Variants in TENT5A observed in about 807,000 individuals in gnomAD.
The protein encoded by TENT5A is terminal nucleotidyltransferase 5A.
In TENT5A, 9 loss-of-function variants were observed where a neutral mutation model predicts 30.2. The ratio of observed to expected loss-of-function variants is 0.30; its 90% CI spans 0.18 to 0.52. The LOEUF (loss-of-function observed/expected upper bound fraction) is 0.52. Among genes scored for constraint, TENT5A ranks in the 20% least tolerant of loss-of-function variants. The pLI is 0.97. For synonymous variants in TENT5A, 264 were observed against 234.2 expected (o/e 1.13, Z -1.16); for missense variants, 411 against 566.1 (o/e 0.73, Z 2.78).
intron 1 of TENT5A, 31 bp from the exon 2 acceptor site, chr6:81,752,209 G>GACGCGCGGCGGCGGAGAGC (rs201698941): frequency 2.5e-4 from 366 of 1,473,004 alleles, no homozygotes; most frequent in Admixed American, 1.0e-3. Flanking sequence ...GCGCGGTGAG[G>GACGCGCGGCGGCGGAGAGC]ACGCGCGGCG....
rs1768907224 is a variant in TENT5A, at chr6:81,747,342, T to C, written c.*2353A>G. On this transcript the variant is annotated 3_prime_UTR_variant, in exon 3 of 3. Coordinates refer to ENST00000320172, the MANE Select transcript of TENT5A (RefSeq NM_017633.3). ...ACAATGTTTCCTGGGAAGTTGCAATTAATTTTTCAAACCCAGGGCTTAAGT... is the reference window on the plus strand; with the variant it reads ...ACAATGTTTCCTGGGAAGTTGCAATCAATTTTTCAAACCCAGGGCTTAAGT... The C allele has an allele frequency of 1.0e-6, 1 of 985,728 alleles. No homozygotes were observed. The highest frequency in any genetic ancestry group is 1.7e-5 in the African/African-American group (1 of 57,234). The allele number at this position is 985,728 out of a possible 1,614,324, so 61.1% of individuals were successfully genotyped here.
chr6:81,749,905 T>C lies in TENT5A; in HGVS notation c.1119A>G (p.Glu373=), dbSNP rs1329782899. The C allele has an allele frequency of 2.5e-6, 4 of 1,614,056 alleles. No homozygotes were observed. In the African/African-American group the frequency reaches 4.0e-5, roughly 16 times the overall value. ...TGATAAGGTTTAAAGTCTGTCTTCT[T>C]TCATGTCCCATCAGGCACACTGTGC... ...NESTVCLMGH[E]RRQTLNLITM... is the part of the protein sequence containing the mutation. The change falls in exon 3 of 3, where the codon GAA becomes GAG. Residue 373 remains glutamate, a synonymous_variant. Coordinates refer to ENST00000320172, the MANE Select transcript of TENT5A (RefSeq NM_017633.3).
At position 81,752,043 on chromosome 6, in the gene TENT5A, G is replaced by C; in HGVS notation, c.99C>G (p.Gly33=). Residue 33 remains glycine (G), a synonymous_variant, in exon 2 of 3, where the codon GGC becomes GGG. Coordinates refer to ENST00000320172, the MANE Select transcript of TENT5A (RefSeq NM_017633.3). ...LGGDFGGGDF[G]GGDFGGGDFG... is the part of the protein sequence containing the mutation. ...AGTCGCCGCCGCCGAAGTCGCCGCC[G>C]CCGAAGTCGCCGCCGCCGAAGTCGC... is the stretch of plus-strand genomic sequence containing the variant. 1 of 1,584,926 alleles carries C rather than the reference G, an allele frequency of 6.3e-7. No individual in the cohort carries two copies. Among genetic ancestry groups the C allele is most frequent in the Non-Finnish European group, 8.6e-7 (1 of 1,162,336 alleles).
chr6:81,749,803 T>C lies in TENT5A; in HGVS notation c.1221A>G (p.Pro407=), dbSNP rs2127726456. The C allele has an allele frequency of 1.2e-6, 2 of 1,614,104 alleles. No individual in the cohort carries two copies. The highest frequency in any genetic ancestry group is 4.5e-5 in the East Asian group (2 of 44,874). ...NVANVTCYYQ[P]APYVADANFS... is the part of the protein sequence containing the mutation. ...AGTTGGCATCTGCTACATAGGGGGC[T>C]GGCTGGTAATAGCAAGTGACATTAG... The change falls in exon 3 of 3, where the codon CCA becomes CCG. Residue 407 remains proline, a synonymous_variant. Coordinates refer to ENST00000320172, the MANE Select transcript of TENT5A (RefSeq NM_017633.3).
Position 81,748,417 on chromosome 6 carries a change from A to G in TENT5A, c.*1278T>C. 2.0e-6 allele frequency: 2 copies of G among 982,178 alleles called. No homozygotes were observed. Among genetic ancestry groups the G allele is most frequent in the African/African-American group, 1.7e-5 (1 of 57,180 alleles). The allele number at this position is 982,178 out of a possible 1,614,324, so 60.8% of individuals were successfully genotyped here. A position where few individuals can be genotyped will look rare whatever the true frequency, so the allele number is the denominator to read the frequency against. Reference sequence around the variant, plus strand: ...AAAAAAAAGAAAAAAAAATCCCACTAAAACAGTATAATTTCTGCTCTTCCT... The same window carrying G: ...AAAAAAAAGAAAAAAAAATCCCACTGAAACAGTATAATTTCTGCTCTTCCT... On this transcript the variant is annotated 3_prime_UTR_variant, in exon 3 of 3. Coordinates refer to ENST00000320172, the MANE Select transcript of TENT5A (RefSeq NM_017633.3).
intron 1 of TENT5A, 24 bp downstream of exon 1, chr6:81,752,407 A>C: frequency 3.2e-6 from 5 of 1,549,792 alleles, no homozygotes; most frequent in Non-Finnish European, 4.4e-6. Flanking sequence ...TGGAAAGCGC[A>C]AGCGAGAGTC....
In TENT5A at chr6:81,748,451, T is replaced by G. The variant is rs566837969; in HGVS notation, c.*1244A>C. On this transcript the variant is annotated 3_prime_UTR_variant, in exon 3 of 3. Transcript: ENST00000320172. The stretch of plus-strand genomic sequence containing the variant: ...TAATTTCTGCTCTTCCTATGAAATA[T>G]ATTACTTGGTTCCCTCCTTCATTTA... The G allele has an allele frequency of 1.0e-6, 1 of 982,428 alleles. No homozygotes were observed. The highest frequency in any genetic ancestry group is 6.2e-5 in the Admixed American group (1 of 16,208). The allele number at this position is 982,428 out of a possible 1,614,324, so 60.9% of individuals were successfully genotyped here.
chr6:81,746,842 A>G lies in TENT5A; in HGVS notation c.*2853T>C, dbSNP rs773861554. 2.7e-5 allele frequency: 31 copies of G among 1,144,998 alleles called. No individual in the cohort carries two copies. Among genetic ancestry groups the G allele is most frequent in the African/African-American group, 4.8e-5 (3 of 62,696 alleles). The allele number at this position is 1,144,998 out of a possible 1,614,324, so 70.9% of individuals were successfully genotyped here. A position where few individuals can be genotyped will look rare whatever the true frequency, so the allele number is the denominator to read the frequency against. ...GCCGCACATCCACAAAGAGAGACAT[A>G]TATTTCACTGTGTGTTCAACTACAT... is the stretch of plus-strand genomic sequence containing the variant. On this transcript the variant is annotated 3_prime_UTR_variant, in exon 3 of 3. Transcript: ENST00000320172.
At chr6:81,751,462 G>A (rs1237397686) in intron 2 of TENT5A, 128 bp downstream of exon 2, 1 of 864,180 alleles carries the variant, frequency 1.2e-6, no homozygotes, top group African/African-American at 1.7e-5. Flanking sequence ...AAAAATCAAA[G>A]AAATAACGCG....
At position 81,746,600 on chromosome 6, in the gene TENT5A, C is replaced by G; in HGVS notation, c.*3095G>C. On this transcript the variant is annotated 3_prime_UTR_variant, in exon 3 of 3. Coordinates refer to ENST00000320172, the MANE Select transcript of TENT5A (RefSeq NM_017633.3). ...TGCAAATTAAGTAAACCTTTAAAAA[C>G]GGCATTGTCACAGGCTATGTGTTCT... The G allele has an allele frequency of 8.1e-7, 1 of 1,232,014 alleles. No individual in the cohort carries two copies. The highest frequency in any genetic ancestry group is 4.1e-5 in the South Asian group (1 of 24,318). The allele number at this position is 1,232,014 out of a possible 1,614,324, so 76.3% of individuals were successfully genotyped here. A position where few individuals can be genotyped will look rare whatever the true frequency, so the allele number is the denominator to read the frequency against.
At position 81,749,837 on chromosome 6, in the gene TENT5A, G is replaced by A; in HGVS notation, c.1187C>T (p.Pro396Leu). Residue 396 changes from proline to leucine, a missense_variant, in exon 3 of 3, where the codon CCT (proline) becomes CTT (leucine). Coordinates refer to ENST00000320172, the MANE Select transcript of TENT5A (RefSeq NM_017633.3). ...ATAGCAAGTGACATTAGCCACATTAGGAATGACATTTTGGTCAGCTAACAC... is the reference window on the plus strand; with the variant it reads ...ATAGCAAGTGACATTAGCCACATTAAGAATGACATTTTGGTCAGCTAACAC... ...IRVLADQNVIPNVANVTCYYQ... is the reference protein window; with the variant it reads ...IRVLADQNVILNVANVTCYYQ... 1.9e-6 allele frequency: 3 copies of A among 1,614,130 alleles called. No individual in the cohort carries two copies. The highest frequency in any genetic ancestry group is 1.6e-4 in the Middle Eastern group (1 of 6,062).
chr6:81,751,358 G>A (rs1397081478), intron 2 of TENT5A, among the ~76,000 whole-genome samples: 2 of 152,186 alleles, frequency 1.3e-5, no homozygotes, highest in African/African-American at 2.4e-5. Flanking sequence ...GAGGGCAGAG[G>A]AGGACCTGGG....
chr6:81,751,955 A>C lies in TENT5A; in HGVS notation c.187T>G (p.Cys63Gly), dbSNP rs200221139. 6.2e-7 allele frequency: 1 copy of C among 1,613,048 alleles called. No homozygotes were observed. The highest frequency in any genetic ancestry group is 1.3e-5 in the African/African-American group (1 of 75,004). The part of the protein sequence containing the change: ...LDYCESPTAH[C>G]NVLNWEQVQR... ...ACTTGCTCCCAGTTCAGCACATTGC[A>C]GTGCGCCGTAGGGCTTTCGCAATAG... The change falls in exon 2 of 3, where the codon TGC becomes GGC. Residue 63 changes from cysteine (C) to glycine (G), a missense_variant. By Grantham distance (159) the Cys-to-Gly change is radical. This residue lies in a region of TENT5A where 157 missense variants were observed against 183.2 expected (regional missense o/e 0.86). Coordinates refer to ENST00000320172, the MANE Select transcript of TENT5A (RefSeq NM_017633.3).
At position 81,747,711 on chromosome 6, in the gene TENT5A, T is replaced by C. The variant is rs908015553; in HGVS notation, c.*1984A>G. ...CATAGCAAGCAGTCATCCACTAAGG[T>C]TGTGGAGATTATGTGGTTGTTTCAC... On this transcript the variant is annotated 3_prime_UTR_variant, in exon 3 of 3. Transcript: ENST00000320172. 10 of 985,648 alleles carry C rather than the reference T, an allele frequency of 1.0e-5. No homozygotes were observed. Among genetic ancestry groups the C allele is most frequent in the African/African-American group, 7.0e-5 (4 of 57,214 alleles). 61.1% of individuals were successfully genotyped at this position (985,648 alleles called of 1,614,324 possible). A position where few individuals can be genotyped will look rare whatever the true frequency, so the allele number is the denominator to read the frequency against.
At position 81,746,513 on chromosome 6, in the gene TENT5A, T is replaced by A. The variant is rs1768888068; in HGVS notation, c.*3182A>T. ...AATACCAAAGTGAGCAGATACTTGA[T>A]CCCATTTCTGGAAAGGAAATGTCCA... On this transcript the variant is annotated 3_prime_UTR_variant, in exon 3 of 3. Transcript: ENST00000320172. 2 of 1,232,140 alleles carry A rather than the reference T, an allele frequency of 1.6e-6. No homozygotes were observed. The highest frequency in any genetic ancestry group is 2.0e-6 in the Non-Finnish European group (2 of 987,930). The allele number at this position is 1,232,140 out of a possible 1,614,324, so 76.3% of individuals were successfully genotyped here. A position where few individuals can be genotyped will look rare whatever the true frequency, so the allele number is the denominator to read the frequency against.
At chr6:81,751,029 G>A (rs1769019800) in intron 2 of TENT5A, among the ~76,000 whole-genome samples, 1 of 152,146 alleles carries the variant, frequency 6.6e-6, no homozygotes, top group South Asian at 2.1e-4. Flanking sequence ...TATAAAACCC[G>A]TCTTGAACTA....
Position 81,750,234 on chromosome 6 carries a change from C to A in TENT5A, c.790G>T (p.Val264Phe), listed in dbSNP as rs202213843. 7.1e-5 allele frequency: 115 copies of A among 1,614,052 alleles called. No homozygotes were observed. In the Middle Eastern group the frequency reaches 1.8e-3, roughly 25 times the overall value. ...TFHPTIIGES[V>F]YGDFQEAFDH... Reference sequence around the variant, plus strand: ...AAGGCTTCCTGGAAATCGCCATAGACGCTCTCCCCGATTATTGTGGGGTGA... The same window carrying A: ...AAGGCTTCCTGGAAATCGCCATAGAAGCTCTCCCCGATTATTGTGGGGTGA... The change falls in exon 3 of 3, where the codon GTC becomes TTC. Residue 264 changes from valine (V) to phenylalanine (F), a missense_variant. Physicochemically the swap from Val to Phe is conservative, Grantham distance 50. Coordinates refer to ENST00000320172, the MANE Select transcript of TENT5A (RefSeq NM_017633.3). This position sits in a 1 kb window ranked among gnomAD's most constrained non-coding sequence, Gnocchi z 4.2.
In TENT5A at chr6:81,748,400, GA is replaced by G. The variant is rs917667118; in HGVS notation, c.*1294del. 689 of 866,484 alleles carry G rather than the reference GA, an allele frequency of 8.0e-4. 6 individuals are homozygous for G. The African/African-American group carries it at 0.011, about 14-fold the overall frequency. 53.7% of individuals were successfully genotyped at this position (866,484 alleles called of 1,614,324 possible). A position where few individuals can be genotyped will look rare whatever the true frequency, so the allele number is the denominator to read the frequency against. ...GGCTCACCAAAGAAAAAAAAAAAAA[GA>G]AAAAAAAATCCCACTAAAACAGTAT... On this transcript the variant is annotated 3_prime_UTR_variant, in exon 3 of 3. Coordinates refer to ENST00000320172, the MANE Select transcript of TENT5A (RefSeq NM_017633.3).
rs1194946778 is a variant in TENT5A at position 81,747,256 on chromosome 6, A to G, written c.*2439T>C. ...GTTTTCTTTCAGAAAACTTTGAAAC[A>G]ACTAAGCAGGCGGAGCTCTGGTTTC... On this transcript the variant is annotated 3_prime_UTR_variant, in exon 3 of 3. Transcript: ENST00000320172. The G allele has an allele frequency of 1.0e-6, 1 of 985,728 alleles. No individual in the cohort carries two copies. Among genetic ancestry groups the G allele is most frequent in the Non-Finnish European group, 1.2e-6 (1 of 829,934 alleles). 61.1% of individuals were successfully genotyped at this position (985,728 alleles called of 1,614,324 possible).
Sources: gnomAD v4.1 joint callset for allele counts (sites outside exome capture counted in the v4.1 genomes callset) on GRCh38, gnomAD v4.1.1 for gene constraint, gnomAD v4.1.1 regional missense constraint, Gnocchi (gnomAD v3.1) non-coding constraint, MANE v1.5 for transcripts, NCBI Gene and HGNC (gene_info 2026-07-23, HGNC 2026-07-21) for gene names.